Variants in MFSD2A observed in about 807,000 individuals in gnomAD.
MFSD2A encodes MFSD2 lysolipid transporter A, lysophospholipid, also known as sodium-dependent lysophosphatidylcholine symporter 1.
Under a neutral mutation model 64.7 loss-of-function variants are expected in MFSD2A, and 27 were observed. The ratio of observed to expected loss-of-function variants is 0.42; its 90% CI spans 0.31 to 0.58. MFSD2A has a LOEUF of 0.58. Among genes scored for constraint, MFSD2A ranks in the 20% least tolerant of loss-of-function variants. The pLI is 0.18. For synonymous variants in MFSD2A, 258 were observed against 273.4 expected (o/e 0.94, Z 0.55); for missense variants, 474 against 679.5 (o/e 0.70, Z 3.36).
Position 39,955,475 on chromosome 1 carries a change from G to A in MFSD2A, c.93+90G>A. On this transcript the variant is annotated intron_variant, in intron 1 of 13. Transcript: ENST00000372811. This position sits in a 1 kb window ranked among gnomAD's most constrained non-coding sequence, Gnocchi z 5.9. ...GCGTCCCGGGGTCGGCCTGGTCAGG[G>A]GACCATTGGGATAGCCAGGGACAGG... 7.6e-7 allele frequency: 1 copy of A among 1,307,542 alleles called. No homozygotes were observed. The highest frequency in any genetic ancestry group is 1.1e-6 in the Non-Finnish European group (1 of 935,416). 81.0% of individuals were successfully genotyped at this position (1,307,542 alleles called of 1,614,324 possible).
In MFSD2A at chr1:39,960,920, C is replaced by T. The variant is rs1221830104; in HGVS notation, c.353+2095C>T. On this transcript the variant is annotated intron_variant, in intron 3 of 13. Transcript: ENST00000372811. This position sits in a 1 kb window ranked among gnomAD's most constrained non-coding sequence, Gnocchi z 4.8. ...CTGTGGCTGGTGGTGCCTGTGTATG[C>T]CTGCACGCGGGATGGCTCGTGGGCT... Among the ~76,000 whole-genome samples, 1 of 152,154 alleles carries T rather than the reference C, an allele frequency of 6.6e-6. No individual in the cohort carries two copies. The highest frequency in any genetic ancestry group is 2.4e-5 in the African/African-American group (1 of 41,426).
intron 3 of MFSD2A, among the ~76,000 whole-genome samples, chr1:39,959,153 T>G (rs1009435794): frequency 2.0e-5 from 3 of 152,126 alleles, no homozygotes; most frequent in African/African-American, 7.2e-5. Flanking sequence ...AGGTAGTACT[T>G]AAGAGTGGTT....
rs1644910737 is a variant in MFSD2A at position 39,955,682 on chromosome 1, C to T, written c.93+297C>T. ...GTTTCCATTCTTCCGTGTTGAGCGGCTGGGGCTTGCCGCCCCAAACCCCAG... is the reference window on the plus strand; with the variant it reads ...GTTTCCATTCTTCCGTGTTGAGCGGTTGGGGCTTGCCGCCCCAAACCCCAG... On this transcript the variant is annotated intron_variant, in intron 1 of 13. Transcript: ENST00000372811. This position sits in a 1 kb window ranked among gnomAD's most constrained non-coding sequence, Gnocchi z 5.9. The T allele has an allele frequency of 1.6e-6, 1 of 621,766 alleles. No homozygotes were observed. The highest frequency in any genetic ancestry group is 1.5e-5 in the South Asian group (1 of 65,978). 38.5% of individuals were successfully genotyped at this position (621,766 alleles called of 1,614,324 possible).
Position 39,965,996 on chromosome 1 carries a change from C to G in MFSD2A, c.696C>G (p.Thr232=). The G allele has an allele frequency of 3.1e-6, 5 of 1,614,160 alleles. No homozygotes were observed. The highest frequency in any genetic ancestry group is 4.2e-6 in the Non-Finnish European group (5 of 1,180,030). The change falls in exon 6 of 14, where the codon ACC becomes ACG. Residue 232 remains threonine, a synonymous_variant. Transcript: ENST00000372811. The surrounding 1 kb of genome is among the most constrained non-coding windows in gnomAD (Gnocchi z 5.5). ...ASQSANHTHG[T]TSHRETQKAY... is the part of the protein sequence containing the mutation. The stretch of plus-strand genomic sequence containing the variant: ...AAAGTGCCAACCATACACATGGCAC[C>G]ACCTCACACAGGGAAACGGTGAGGC...
intron 3 of MFSD2A, chr1:39,962,615 T>G: frequency 1.2e-6 from 1 of 806,712 alleles, no homozygotes; most frequent in South Asian, 1.5e-5. Flanking sequence ...GGAACTCTGG[T>G]GCCTTCCGCG....
In MFSD2A at chr1:39,965,197, C is replaced by G; in HGVS notation, c.354-14C>G. ...CCAGCCTCCAGCCTCCACTCACACC[C>G]TCCTCTTCCTCAGGATCATCTTCTC... On this transcript the variant is annotated splice_polypyrimidine_tract_variant and intron_variant, in intron 3 of 13. Transcript: ENST00000372811. The surrounding 1 kb of genome is among the most constrained non-coding windows in gnomAD (Gnocchi z 5.5). The G allele has an allele frequency of 6.2e-7, 1 of 1,613,640 alleles. No homozygotes were observed. Among genetic ancestry groups the G allele is most frequent in the Non-Finnish European group, 8.5e-7 (1 of 1,179,974 alleles).
rs1183615084 is a variant in MFSD2A, at chr1:39,958,261, C to T, written c.229-440C>T. On this transcript the variant is annotated intron_variant, in intron 2 of 13. Coordinates refer to ENST00000372811, the MANE Select transcript of MFSD2A (RefSeq NM_032793.5). The surrounding 1 kb of genome is among the most constrained non-coding windows in gnomAD (Gnocchi z 4.7). Reference sequence around the variant, plus strand: ...CATCTATAGGCTCCTTTTTCCACATCCAAGATAGAGCTTGAACCTGTAAGG... The same window carrying T: ...CATCTATAGGCTCCTTTTTCCACATTCAAGATAGAGCTTGAACCTGTAAGG... Among the ~76,000 whole-genome samples, 1 of 151,978 alleles carries T rather than the reference C, an allele frequency of 6.6e-6. No homozygotes were observed. Among genetic ancestry groups the T allele is most frequent in the Non-Finnish European group, 1.5e-5 (1 of 67,988 alleles).
chr1:39,967,021 G>A, intron 8 of MFSD2A, 65 bp from the exon 9 acceptor site: 1 of 1,610,686 alleles, frequency 6.2e-7, no homozygotes, highest in Non-Finnish European at 8.5e-7. Flanking sequence ...GGATGTCTTG[G>A]GGAGGCTCAG....
Position 39,967,865 on chromosome 1 carries a change from C to A in MFSD2A, c.1157C>A (p.Ala386Glu). Residue 386 changes from alanine (A) to glutamate (E), a missense_variant, in exon 11 of 14, where the codon GCG becomes GAG. By Grantham distance (107) the Ala-to-Glu change is moderately radical. Transcript: ENST00000372811. ...GAGAGTAACCTCATCATTACATATG[C>A]GGTAGCTGTGGCAGCTGGCATCAGT... is the stretch of plus-strand genomic sequence containing the variant. The part of the protein sequence containing the change: ...LMESNLIITY[A>E]VAVAAGISVA... 6.2e-7 allele frequency: 1 copy of A among 1,613,802 alleles called. No individual in the cohort carries two copies. The highest frequency in any genetic ancestry group is 8.5e-7 in the Non-Finnish European group (1 of 1,179,806).
intron 6 of MFSD2A, 25 bp from the exon 7 acceptor site, chr1:39,966,576 G>A (rs1645165562): frequency 1.3e-6 from 2 of 1,591,588 alleles, no homozygotes; most frequent in Non-Finnish European, 1.7e-6. Context: ...GACCATCCTT[G>A]TATGTCGCCT....
Position 39,969,513 on chromosome 1 carries a change from C to A in MFSD2A, c.1538C>A (p.Ala513Asp). The change falls in exon 14 of 14, where the codon GCC becomes GAC. Residue 513 changes from alanine to aspartate, a missense_variant. Ala to Asp is a moderately radical substitution (Grantham distance 126). Transcript: ENST00000372811. ...KKALQALRDE[A>D]SSSGCSETDS... ...TCCTCTCTCTCTTGCAGGGACGAGG[C>A]CAGCAGCTCTGGCTGCTCAGAAACA... 2 of 1,598,188 alleles carry A rather than the reference C, an allele frequency of 1.3e-6. No homozygotes were observed. Among genetic ancestry groups the A allele is most frequent in the Non-Finnish European group, 1.7e-6 (2 of 1,173,736 alleles).
In MFSD2A at chr1:39,961,896, G is replaced by A. The variant is rs111742884; in HGVS notation, c.353+3071G>A. On this transcript the variant is annotated intron_variant, in intron 3 of 13. Coordinates refer to ENST00000372811, the MANE Select transcript of MFSD2A (RefSeq NM_032793.5). ...ACCAGATGTCAAGCAGGGTCCCATG[G>A]GGAGGCTGCAACAGCTGGACCTGAG... Among the ~76,000 whole-genome samples the A allele has an allele frequency of 3.2e-3, 490 of 152,328 alleles. 1 individual carries two copies. The highest frequency in any genetic ancestry group is 0.011 in the African/African-American group (442 of 41,576).
At position 39,955,221 on chromosome 1, in the gene MFSD2A, G is replaced by A. The variant is rs917796037; in HGVS notation, c.-72G>A. ...GCTAAGGCTGCTACGAAGCGAGCTT[G>A]GGAGGAGCAGCGGCCTGCGGGGCAG... On this transcript the variant is annotated 5_prime_UTR_variant, in exon 1 of 14. Transcript: ENST00000372811. This position sits in a 1 kb window ranked among gnomAD's most constrained non-coding sequence, Gnocchi z 5.9. 8.0e-7 allele frequency: 1 copy of A among 1,257,096 alleles called. No individual in the cohort carries two copies. The highest frequency in any genetic ancestry group is 1.6e-5 in the African/African-American group (1 of 63,998). 77.9% of individuals were successfully genotyped at this position (1,257,096 alleles called of 1,614,324 possible). A position where few individuals can be genotyped will look rare whatever the true frequency, so the allele number is the denominator to read the frequency against.
rs1038441258 is a variant in MFSD2A at position 39,968,359 on chromosome 1, G to A, written c.1234G>A (p.Asp412Asn). 7 of 1,614,108 alleles carry A rather than the reference G, an allele frequency of 4.3e-6. No individual in the cohort carries two copies. Among genetic ancestry groups the A allele is most frequent in the African/African-American group, 1.3e-5 (1 of 75,012 alleles). ...GTCCATGCTGCCTGATGTCATTGACGACTTCCATCTGAAGCAGCCCCACTT... is the reference window on the plus strand; with the variant it reads ...GTCCATGCTGCCTGATGTCATTGACAACTTCCATCTGAAGCAGCCCCACTT... Reference protein sequence around the residue: ...PWSMLPDVIDDFHLKQPHFHG... With the variant: ...PWSMLPDVIDNFHLKQPHFHG... Residue 412 changes from aspartate to asparagine, a missense_variant, in exon 12 of 14, where the codon GAC becomes AAC. Asp to Asn is a conservative substitution (Grantham distance 23). Transcript: ENST00000372811. This position sits in a 1 kb window ranked among gnomAD's most constrained non-coding sequence, Gnocchi z 4.4.
intron 6 of MFSD2A, 51 bp from the exon 7 acceptor site, chr1:39,966,550 G>T: frequency 6.7e-7 from 1 of 1,489,426 alleles, no homozygotes; most frequent in South Asian, 1.2e-5. Context: ...CTGGGGTGCT[G>T]GGATGAGCTC....
chr1:39,965,106 C>T lies in MFSD2A; in HGVS notation c.354-105C>T. The T allele has an allele frequency of 2.0e-6, 3 of 1,467,248 alleles. No individual in the cohort carries two copies. Among genetic ancestry groups the T allele is most frequent in the South Asian group, 1.2e-5 (1 of 81,390 alleles). 90.9% of individuals were successfully genotyped at this position (1,467,248 alleles called of 1,614,324 possible). A position where few individuals can be genotyped will look rare whatever the true frequency, so the allele number is the denominator to read the frequency against. The stretch of plus-strand genomic sequence containing the variant: ...AGGAGTATGGGGAAGGAAGGAAGAG[C>T]TTAGCTTCCTTCCCTGTGGGGACCC... On this transcript the variant is annotated intron_variant, in intron 3 of 13. Transcript: ENST00000372811. This position sits in a 1 kb window ranked among gnomAD's most constrained non-coding sequence, Gnocchi z 5.5.
At position 39,960,244 on chromosome 1, in the gene MFSD2A, C is replaced by A. The variant is rs780078275; in HGVS notation, c.353+1419C>A. 6.6e-6 allele frequency among the ~76,000 whole-genome samples: 1 copy of A among 152,178 alleles called. No homozygotes were observed. The highest frequency in any genetic ancestry group is 1.5e-5 in the Non-Finnish European group (1 of 68,022). On this transcript the variant is annotated intron_variant, in intron 3 of 13. Coordinates refer to ENST00000372811, the MANE Select transcript of MFSD2A (RefSeq NM_032793.5). The surrounding 1 kb of genome is among the most constrained non-coding windows in gnomAD (Gnocchi z 4.8). Reference sequence around the variant, plus strand: ...CTGCTTCAGGGTGTGGGGGGGCATACCCCTTTCATCTCCAGCCCATCCAGG... The same window carrying A: ...CTGCTTCAGGGTGTGGGGGGGCATAACCCTTTCATCTCCAGCCCATCCAGG...
At chr1:39,966,053 G>T in intron 6 of MFSD2A, 39 bp downstream of exon 6, 1 of 1,609,086 alleles carries the variant, frequency 6.2e-7, no homozygotes, top group South Asian at 1.1e-5. Context: ...GGGAGATAAG[G>T]AACAGTGAGG....
Position 39,968,385 on chromosome 1 carries a change from C to T in MFSD2A, c.1260C>T (p.Phe420=). 1 of 1,614,206 alleles carries T rather than the reference C, an allele frequency of 6.2e-7. No individual in the cohort carries two copies. Among genetic ancestry groups the T allele is most frequent in the Non-Finnish European group, 8.5e-7 (1 of 1,180,034 alleles). Residue 420 remains phenylalanine, a synonymous_variant, in exon 12 of 14, where the codon TTC becomes TTT. Coordinates refer to ENST00000372811, the MANE Select transcript of MFSD2A (RefSeq NM_032793.5). This position sits in a 1 kb window ranked among gnomAD's most constrained non-coding sequence, Gnocchi z 4.4. The part of the protein sequence containing the change: ...IDDFHLKQPH[F]HGTEPIFFSF... ...ACTTCCATCTGAAGCAGCCCCACTT[C>T]CATGGAACCGAGCCCATCTTCTTCT...
Sources: allele counts gnomAD v4.1 joint callset (sites outside exome capture counted in the v4.1 genomes callset), GRCh38; gene constraint gnomAD v4.1.1; non-coding constraint Gnocchi (gnomAD v3.1); transcripts MANE v1.5; gene names NCBI Gene and HGNC (gene_info 2026-07-23, HGNC 2026-07-21).